Variants in AKR7A2 observed in about 807,000 individuals in gnomAD.
The protein encoded by AKR7A2 is aldo-keto reductase family 7 member A2, also known as aflatoxin B1 aldehyde reductase member 2.
AKR7A2 carries 29 observed loss-of-function variants against 37.3 expected under a neutral mutation model. The observed-to-expected ratio is 0.78, with a 90% CI of 0.58 to 1.06. The LOEUF (loss-of-function observed/expected upper bound fraction) is 1.06, where lower values mean the gene tolerates loss of function less well. Among genes scored for constraint, AKR7A2 ranks in the 50% least tolerant of loss-of-function variants. The probability of loss-of-function intolerance (pLI) is 0.00; values close to 1 mark genes in which losing one functional copy is unlikely to be tolerated. For missense variants in AKR7A2, 529 were observed against 497.9 expected, an observed-to-expected ratio of 1.06 and a Z score of -0.59; for synonymous variants, 228 against 217.8, an observed-to-expected ratio of 1.05 and a Z score of -0.41.
chr1:19,307,999 G>T (rs2093764824), intron 3 of AKR7A2, 159 bp downstream of exon 3: 3 of 921,050 alleles, frequency 3.3e-6, no homozygotes, highest in Non-Finnish European at 5.2e-6. Context: ...AGGCTGAGGA[G>T]CTTGAATGGC....
intron 1 of AKR7A2, among the ~76,000 whole-genome samples, chr1:19,311,324 C>A (rs1186209601): frequency 6.6e-6 from 1 of 152,252 alleles, no homozygotes; most frequent in Admixed American, 6.5e-5. Context: ...TCCGCACTCC[C>A]TAACACTCCT....
chr1:19,311,440 G>A (rs540400126), intron 1 of AKR7A2, among the ~76,000 whole-genome samples: 9 of 152,366 alleles, frequency 5.9e-5, no homozygotes, highest in Admixed American at 3.9e-4. Context: ...AGGCCAGGAT[G>A]AGAAAAGGGT....
intron 1 of AKR7A2, among the ~76,000 whole-genome samples, chr1:19,310,593 GA>G (rs2093771176): frequency 6.6e-6 from 1 of 152,048 alleles, no homozygotes; most frequent in Non-Finnish European, 1.5e-5. Context: ...AGTTACTTGG[GA>G]GGCTGAGGCA....
At chr1:19,304,456 C>T (rs2093757658) in intron 6 of AKR7A2, 70 bp from the exon 7 acceptor site, 3 of 1,612,850 alleles carry the variant, frequency 1.9e-6, no homozygotes, top group Non-Finnish European at 2.5e-6. Flanking sequence ...CCGTCCCAGC[C>T]ACCTCCCTGC....
At chr1:19,307,485 C>A in intron 3 of AKR7A2, 75 bp from the exon 4 acceptor site, 2 of 1,479,528 alleles carry the variant, frequency 1.4e-6, no homozygotes, top group East Asian at 4.6e-5. Context: ...TTTCAAACCT[C>A]TAAAGCAACA....
chr1:19,305,909 A>G, intron 6 of AKR7A2, 109 bp downstream of exon 6: 1 of 1,584,656 alleles, frequency 6.3e-7, no homozygotes, highest in Admixed American at 1.7e-5. Flanking sequence ...GAATTGGAAG[A>G]AAGAAAAATT....
chr1:19,308,042 T>G (rs1040484349), intron 3 of AKR7A2, 116 bp downstream of exon 3: 3 of 1,371,774 alleles, frequency 2.2e-6, no homozygotes, highest in Non-Finnish European at 3.1e-6. Flanking sequence ...ATCTGCAGGC[T>G]TTCAGCAGGG....
rs1326980406 is a variant in AKR7A2, at chr1:19,311,935, G to C, written c.190C>G (p.Leu64Val). The C allele has an allele frequency of 6.2e-7, 1 of 1,605,458 alleles. No individual in the cohort carries two copies. The highest frequency in any genetic ancestry group is 1.7e-5 in the Admixed American group (1 of 59,058). The change falls in exon 1 of 7, where the codon CTG (leucine) becomes GTG (valine). Residue 64 changes from leucine (L) to valine (V), a missense_variant. Transcript: ENST00000235835. ...TCCAGTTCGGTGTGGCCGCGCTCCA[G>C]AAAGGCGCGCACGGCCGCGGCGCTG... The part of the protein sequence containing the change: ...PASAAAVRAF[L>V]ERGHTELDTA...
At chr1:19,311,681 C>T in intron 1 of AKR7A2, 146 bp downstream of exon 1, 1 of 998,744 alleles carries the variant, frequency 1.0e-6, no homozygotes, top group Non-Finnish European at 1.5e-6. Context: ...TCCCGGGGTT[C>T]CCAGAGCTGC....
chr1:19,310,767 C>A (rs1301786835), intron 1 of AKR7A2, among the ~76,000 whole-genome samples: 1 of 152,156 alleles, frequency 6.6e-6, no homozygotes, highest in Non-Finnish European at 1.5e-5. Flanking sequence ...CCCCCCGACC[C>A]CCCAAGCGCT....
intron 1 of AKR7A2, among the ~76,000 whole-genome samples, chr1:19,309,294 G>C (rs1167701661): frequency 1.3e-5 from 2 of 152,210 alleles, no homozygotes; most frequent in East Asian, 3.8e-4. Context: ...ATCTGAACTT[G>C]ATCATTCCAG....
chr1:19,306,205 G>A lies in AKR7A2; in HGVS notation c.789-58C>T, dbSNP rs536946298. 84 of 1,611,794 alleles carry A rather than the reference G, an allele frequency of 5.2e-5. No homozygotes were observed. The African/African-American group carries it at 8.0e-4, about 15-fold the overall frequency. The stretch of plus-strand genomic sequence containing the variant: ...TACCATGGGGGTCACACTGGGAGCC[G>A]CAACCAAATAGCCATCCAGGACCAC... On this transcript the variant is annotated intron_variant, in intron 5 of 6. Transcript: ENST00000235835.
rs370539329 is a variant in AKR7A2 at position 19,307,128 on chromosome 1, G to C, written c.689-27C>G. 1.1e-5 allele frequency: 18 copies of C among 1,612,748 alleles called. No individual in the cohort carries two copies. In the African/African-American group the frequency reaches 2.4e-4, roughly 22 times the overall value. ...TGCGGGAAGGCAGCAATCAGCCCCT[G>C]GCCCCAGAGTGCCCCAGAAGCTGCC... On this transcript the variant is annotated intron_variant, in intron 4 of 6. Transcript: ENST00000235835.
At chr1:19,311,053 C>T (rs912631198) in intron 1 of AKR7A2, among the ~76,000 whole-genome samples, 5 of 152,244 alleles carry the variant, frequency 3.3e-5, no homozygotes, top group African/African-American at 1.2e-4. Flanking sequence ...CTCTAATGTT[C>T]CTTTCTCTTG....
At chr1:19,305,000 T>C (rs1031793125) in intron 6 of AKR7A2, 1 of 159,868 alleles carries the variant, frequency 6.3e-6, no homozygotes, top group Admixed American at 5.8e-5. Context: ...TTTTTTTTTT[T>C]CAAACAAAAA....
intron 1 of AKR7A2, among the ~76,000 whole-genome samples, chr1:19,309,993 T>C (rs2093769201): frequency 6.6e-6 from 1 of 152,048 alleles, no homozygotes; most frequent in Non-Finnish European, 1.5e-5. Flanking sequence ...GGAGAATCAC[T>C]TGAACCTGGG....
chr1:19,308,855 A>G (rs1161439258), intron 1 of AKR7A2, among the ~76,000 whole-genome samples: 1 of 152,226 alleles, frequency 6.6e-6, no homozygotes, highest in Non-Finnish European at 1.5e-5. Flanking sequence ...AACTATCATT[A>G]GTCACCAACC....
At chr1:19,305,902 T>A (rs773829068) in intron 6 of AKR7A2, 116 bp downstream of exon 6, 4 of 1,558,498 alleles carry the variant, frequency 2.6e-6, no homozygotes, top group Non-Finnish European at 3.5e-6. Context: ...CTTATGAGAA[T>A]TGGAAGAAAG....
chr1:19,309,352 G>A (rs2093768180), intron 1 of AKR7A2, among the ~76,000 whole-genome samples: 1 of 152,228 alleles, frequency 6.6e-6, no homozygotes, highest in East Asian at 1.9e-4. Flanking sequence ...CTTGGCTGCA[G>A]TATAGAGAAA....
Sources: gnomAD v4.1 joint callset for allele counts (sites outside exome capture counted in the v4.1 genomes callset) on GRCh38, gnomAD v4.1.1 for gene constraint, MANE v1.5 for transcripts, NCBI Gene and HGNC (gene_info 2026-07-23, HGNC 2026-07-21) for gene names.